CDK8: variants seen among roughly 807,000 people sequenced by gnomAD.
CDK8 encodes cyclin-dependent kinase 8.
In CDK8, 29 loss-of-function variants were observed where a neutral mutation model predicts 71.5. That is an observed-to-expected ratio of 0.41 (90% confidence interval 0.30 to 0.55). The LOEUF (loss-of-function observed/expected upper bound fraction) is 0.55, where lower values mean the gene tolerates loss of function less well. Among genes scored for constraint, CDK8 ranks in the 20% least tolerant of loss-of-function variants. CDK8 has a pLI of 0.37. For missense variants in CDK8, 288 were observed against 572.6 expected, an observed-to-expected ratio of 0.50 and a Z score of 5.07; for synonymous variants, 161 against 192.1, an observed-to-expected ratio of 0.84 and a Z score of 1.34.
Position 26,359,131 on chromosome 13 carries a change from A to T in CDK8, c.456+5251A>T, listed in dbSNP as rs541147184. On this transcript the variant is annotated intron_variant, in intron 4 of 12. Coordinates refer to ENST00000381527, the MANE Select transcript of CDK8 (RefSeq NM_001260.3). ...AGTGAAATAAGCTAGTCACAAAAGG[A>T]TAAGTACCATATGATTCCACTTTCA... The T allele has an allele frequency of 3.7e-5, 7 of 187,090 alleles. No homozygotes were observed. The South Asian group carries it at 5.9e-4, about 16-fold the overall frequency. 11.6% of individuals were successfully genotyped at this position (187,090 alleles called of 1,614,324 possible).
intron 1 of CDK8, among the ~76,000 whole-genome samples, chr13:26,274,579 C>A (rs2137876267): frequency 6.6e-6 from 1 of 151,766 alleles, no homozygotes; most frequent in South Asian, 2.1e-4. Context: ...CTACAGGCGC[C>A]CGCCACCACG....
At chr13:26,290,457 G>C (rs966719684) in intron 1 of CDK8, among the ~76,000 whole-genome samples, 1 of 152,150 alleles carries the variant, frequency 6.6e-6, no homozygotes, top group Non-Finnish European at 1.5e-5. Context: ...TGCTTTGTAT[G>C]TTATAGGAGC....
chr13:26,322,422 C>T (rs879384445), intron 1 of CDK8, among the ~76,000 whole-genome samples: 6 of 152,098 alleles, frequency 3.9e-5, no homozygotes, highest in Non-Finnish European at 8.8e-5. Context: ...TTTTCTCACT[C>T]TGTGTGGTTA....
chr13:26,284,712 T>C (rs1087062), intron 1 of CDK8, among the ~76,000 whole-genome samples: 144,036 of 152,208 alleles, frequency 0.95, 68,199 homozygotes, highest in East Asian at 1. Flanking sequence ...TGGTATCAGT[T>C]TTACTAAAAC....
intron 1 of CDK8, among the ~76,000 whole-genome samples, chr13:26,328,232 A>G (rs1875115939): frequency 6.6e-6 from 1 of 152,194 alleles, no homozygotes; most frequent in African/African-American, 2.4e-5. Flanking sequence ...CATATTTAAG[A>G]TAATTAAATC....
At chr13:26,257,537 C>A (rs942611925) in intron 1 of CDK8, among the ~76,000 whole-genome samples, 2 of 152,054 alleles carry the variant, frequency 1.3e-5, no homozygotes, top group Non-Finnish European at 2.9e-5. Context: ...TCACTCGTGT[C>A]GCCGTAAATG....
intron 7 of CDK8, among the ~76,000 whole-genome samples, chr13:26,394,980 G>A (rs1875915436): frequency 6.6e-6 from 1 of 152,180 alleles, no homozygotes; most frequent in South Asian, 2.1e-4. Flanking sequence ...TATAGGAAGT[G>A]TATAAGCAAG....
In CDK8 at chr13:26,396,182, G is replaced by T. The variant is rs1875983373; in HGVS notation, c.791-103G>T. ...TTTGAAGACAGCTTTTTTGTGTGGA[G>T]GTTGAACGGATAGGAAATGTAATGA... On this transcript the variant is annotated intron_variant, in intron 7 of 12. Coordinates refer to ENST00000381527, the MANE Select transcript of CDK8 (RefSeq NM_001260.3). 9.0e-6 allele frequency: 4 copies of T among 446,144 alleles called. 1 individual carries two copies. The East Asian group carries it at 1.4e-4, about 16-fold the overall frequency. 27.6% of individuals were successfully genotyped at this position (446,144 alleles called of 1,614,324 possible).
intron 4 of CDK8, among the ~76,000 whole-genome samples, 180 bp from the exon 5 acceptor site, chr13:26,382,634 A>C (rs561604365): frequency 6.6e-6 from 1 of 152,292 alleles, no homozygotes; most frequent in East Asian, 1.9e-4. Context: ...GCCTTCATGA[A>C]ATTTGCATAC....
intron 1 of CDK8, among the ~76,000 whole-genome samples, chr13:26,321,036 G>A (rs1273496664): frequency 2.0e-5 from 3 of 152,100 alleles, no homozygotes; most frequent in Non-Finnish European, 1.5e-5. Context: ...AGAATTCAAA[G>A]GAGGCCTTCA....
intron 1 of CDK8, among the ~76,000 whole-genome samples, chr13:26,273,584 C>T (rs1380299284): frequency 4.6e-5 from 7 of 151,818 alleles, no homozygotes; most frequent in Non-Finnish European, 1.0e-4. Context: ...ACTTGGAACA[C>T]AGTTTAACTT....
intron 1 of CDK8, among the ~76,000 whole-genome samples, chr13:26,289,615 A>T (rs896844746): frequency 1.3e-5 from 2 of 151,816 alleles, no homozygotes; most frequent in Non-Finnish European, 2.9e-5. Context: ...CAGTGGCGGG[A>T]TCTCGGCTCA....
chr13:26,269,946 G>A (rs623251), intron 1 of CDK8, among the ~76,000 whole-genome samples: 136,492 of 152,146 alleles, frequency 0.9, 61,322 homozygotes, highest in Admixed American at 0.92. Context: ...GTTGCAGTGT[G>A]CAAAGTAGGG....
At chr13:26,282,251 C>A (rs907475318) in intron 1 of CDK8, among the ~76,000 whole-genome samples, 1 of 152,034 alleles carries the variant, frequency 6.6e-6, no homozygotes, top group Non-Finnish European at 1.5e-5. Context: ...AGATCATCAC[C>A]CACACACATA....
chr13:26,263,222 G>A (rs981870446), intron 1 of CDK8, among the ~76,000 whole-genome samples: 2 of 151,966 alleles, frequency 1.3e-5, no homozygotes, highest in East Asian at 1.9e-4. Context: ...TGCTAGCTCC[G>A]CTTCCCGGGT....
At chr13:26,385,063 A>G (rs17083976) in intron 5 of CDK8, 148 bp from the exon 6 acceptor site, 157 of 637,186 alleles carry the variant, frequency 2.5e-4, no homozygotes, top group Non-Finnish European at 3.9e-4. Flanking sequence ...TGCTTTATGT[A>G]AGACTTCTAA....
intron 9 of CDK8, among the ~76,000 whole-genome samples, chr13:26,398,608 T>C (rs1399544648): frequency 1.3e-5 from 2 of 152,214 alleles, no homozygotes; most frequent in Non-Finnish European, 2.9e-5. Context: ...AAAATTGTGC[T>C]TTCTCTGAAA....
intron 4 of CDK8, among the ~76,000 whole-genome samples, chr13:26,374,621 A>G (rs1874858172): frequency 1.4e-5 from 2 of 146,588 alleles, no homozygotes; most frequent in South Asian, 4.1e-4. Flanking sequence ...ACTATCTAGA[A>G]TATAATCAAC....
chr13:26,327,687 G>T (rs1236507925), intron 1 of CDK8, among the ~76,000 whole-genome samples: 1 of 152,080 alleles, frequency 6.6e-6, no homozygotes, highest in Admixed American at 6.5e-5. Flanking sequence ...AAATTAGCTG[G>T]GTGTGGTGGT....
Sources: allele counts gnomAD v4.1 joint callset (sites outside exome capture counted in the v4.1 genomes callset), GRCh38; gene constraint gnomAD v4.1.1; transcripts MANE v1.5; gene names NCBI Gene and HGNC (gene_info 2026-07-23, HGNC 2026-07-21).